ATP7A: variants seen among roughly 807,000 people sequenced by gnomAD.
ATP7A encodes the protein ATPase copper transporting alpha.
Under a neutral mutation model 83.5 loss-of-function variants are expected in ATP7A, and 7 were observed. The observed-to-expected ratio is 0.08, with a 90% CI of 0.05 to 0.16. The LOEUF (loss-of-function observed/expected upper bound fraction) is 0.16, where lower values mean the gene tolerates loss of function less well. ATP7A is among the 10% of genes least tolerant of loss of function. ATP7A has a pLI of 1.00. For synonymous variants in ATP7A, 354 were observed against 395.2 expected (o/e 0.90, Z 1.24); for missense variants, 940 against 1,120.8 (o/e 0.84, Z 2.30).
intron 2 of ATP7A, among the ~76,000 whole-genome samples, chrX:77,986,462 A>G (rs1049778885): frequency 4.5e-5 from 5 of 112,131 alleles, no homozygotes; most frequent in African/African-American, 1.6e-4. Flanking sequence ...TTTGAATATT[A>G]ATATCCTATG....
At chrX:78,029,106 C>T in intron 14 of ATP7A, 144 bp from the exon 15 acceptor site, 1 of 591,210 alleles carries the variant, frequency 1.7e-6, no homozygotes, top group Non-Finnish European at 2.7e-6. Flanking sequence ...GTTTTCTTAC[C>T]TGTAACTAAA....
intron 1 of ATP7A, among the ~76,000 whole-genome samples, chrX:77,953,321 A>G (rs2077424035): frequency 9.0e-6 from 1 of 111,711 alleles, no homozygotes; most frequent in Non-Finnish European, 1.9e-5. Flanking sequence ...TCGGGGGTAC[A>G]TGTGCTTGTT....
At chrX:78,001,392 G>A (rs1254405357) in intron 5 of ATP7A, among the ~76,000 whole-genome samples, 2 of 111,028 alleles carry the variant, frequency 1.8e-5, no homozygotes, top group Admixed American at 1.9e-4. Flanking sequence ...AACATGCAAT[G>A]CATAATAATC....
chrX:77,983,580 A>G (rs1399725169), intron 2 of ATP7A, among the ~76,000 whole-genome samples: 2 of 112,527 alleles, frequency 1.8e-5, no homozygotes, highest in African/African-American at 6.4e-5. Flanking sequence ...TACGTTTGGT[A>G]TATTTTCCTT....
At chrX:77,990,602 G>A (rs2077663769) in intron 4 of ATP7A, among the ~76,000 whole-genome samples, 1 of 111,817 alleles carries the variant, frequency 8.9e-6, no homozygotes, top group South Asian at 3.6e-4. Context: ...TTATATTTAG[G>A]CATTCAAATT....
intron 2 of ATP7A, chrX:77,974,795 C>T (rs2077567819): frequency 3.4e-6 from 1 of 295,242 alleles, no homozygotes; most frequent in African/African-American, 2.8e-5. Flanking sequence ...TTGAGCCAGC[C>T]ATGCATTCCC....
Position 78,047,075 on chromosome X carries a change from C to G in ATP7A, c.*505C>G, listed in dbSNP as rs1204697575. ...AGTTTTAGAAGGGAAACAGTTGAAA[C>G]TGTTTAAAAATAGATGTGCCTTATT... On this transcript the variant is annotated 3_prime_UTR_variant, in exon 23 of 23. Transcript: ENST00000341514. 1 of 114,425 alleles carries G rather than the reference C, an allele frequency of 8.7e-6. No homozygotes were observed. The highest frequency in any genetic ancestry group is 1.8e-5 in the Non-Finnish European group (1 of 54,851). The allele number at this position is 114,425 out of a possible 1,213,427, so 9.4% of individuals were successfully genotyped here.
At chrX:78,044,361 C>T in intron 21 of ATP7A, among the ~76,000 whole-genome samples, 1 of 111,048 alleles carries the variant, frequency 9.0e-6, no homozygotes, top group East Asian at 2.8e-4. Context: ...TGGTATTTTG[C>T]CACATTGCTT....
At chrX:77,917,883 T>C (rs1159460638) in intron 1 of ATP7A, among the ~76,000 whole-genome samples, 3 of 111,847 alleles carry the variant, frequency 2.7e-5, no homozygotes, top group African/African-American at 9.8e-5. Flanking sequence ...TAAACTCAAC[T>C]TGGTCAGAAG....
In ATP7A at chrX:78,045,419, A is replaced by G. The variant is rs376937743; in HGVS notation, c.4124-51A>G. The G allele has an allele frequency of 1.1e-5, 10 of 929,281 alleles. No homozygotes were observed. The African/African-American group carries it at 1.7e-4, about 16-fold the overall frequency. The allele number at this position is 929,281 out of a possible 1,213,427, so 76.6% of individuals were successfully genotyped here. On this transcript the variant is annotated intron_variant, in intron 21 of 22. Transcript: ENST00000341514. ...TTTGTATGTATGTTAGAAACACATT[A>G]ATAATCTGTTTAGTATTATCTACTC... is the stretch of plus-strand genomic sequence containing the variant.
chrX:77,937,804 TA>T (rs1233275489), intron 1 of ATP7A, among the ~76,000 whole-genome samples: 1 of 109,223 alleles, frequency 9.2e-6, no homozygotes, highest in Non-Finnish European at 1.9e-5. Context: ...TTTGGGGGTA[TA>T]GGGAAGTATT....
chrX:78,004,652 G>T, intron 6 of ATP7A, among the ~76,000 whole-genome samples: 1 of 111,051 alleles, frequency 9.0e-6, no homozygotes, highest in East Asian at 2.8e-4. Context: ...GGAGGCCGAG[G>T]TGGGTAGATC....
At position 78,038,913 on chromosome X, in the gene ATP7A, A is replaced by G. The variant is rs148765730; in HGVS notation, c.3589A>G (p.Asn1197Asp). The G allele has an allele frequency of 4.7e-4, 569 of 1,209,488 alleles. No individual in the cohort carries two copies. The African/African-American group carries it at 8.8e-3, about 19-fold the overall frequency. ...WMIRNGLVIN[N>D]DVNDFMTEHE... The stretch of plus-strand genomic sequence containing the variant: ...GATTAGAAATGGTCTTGTCATTAAT[A>G]ACGATGTAAATGATTTCATGACTGA... The change falls in exon 18 of 23, where the codon AAC becomes GAC. Residue 1197 changes from asparagine (N) to aspartate (D), a missense_variant. Physicochemically the swap from Asn to Asp is conservative, Grantham distance 23. Around this residue, in one of 3 missense-constraint regions of ATP7A, gnomAD observed 386 missense variants for 502.2 expected, o/e 0.77. Coordinates refer to ENST00000341514, the MANE Select transcript of ATP7A (RefSeq NM_000052.7).
At chrX:78,013,887 T>A (rs2077843668) in intron 10 of ATP7A, among the ~76,000 whole-genome samples, 1 of 95,162 alleles carries the variant, frequency 1.1e-5, no homozygotes, top group South Asian at 5.2e-4. Context: ...CCCCACAAAT[T>A]CTTTCTAAGT....
rs1457236338 is a variant in ATP7A at position 78,046,430 on chromosome X, C to A, written c.4363C>A (p.Arg1455=). Residue 1455 remains arginine (R), a synonymous_variant, in exon 23 of 23, where the codon CGG becomes AGG. Coordinates refer to ENST00000341514, the MANE Select transcript of ATP7A (RefSeq NM_000052.7). ...RNSPKLGLLD[R]IVNYSRASIN... ...TTCTCCTAAACTGGGTTTGCTGGAC[C>A]GGATTGTTAATTATAGCAGAGCCTC... 8.3e-7 allele frequency: 1 copy of A among 1,211,141 alleles called. No homozygotes were observed. Among genetic ancestry groups the A allele is most frequent in the South Asian group, 1.8e-5 (1 of 56,951 alleles).
rs781837869 is a variant in ATP7A, at chrX:78,009,300, T to C, written c.1869+37T>C. 4.3e-6 allele frequency: 5 copies of C among 1,175,623 alleles called. No homozygotes were observed. The African/African-American group carries it at 8.9e-5, about 21-fold the overall frequency. ...GAATTTATGTTTCTGTGTTCTTACC[T>C]ATTTAATCAGCACTCCCGTGAATCA... On this transcript the variant is annotated intron_variant, in intron 7 of 22. Transcript: ENST00000341514.
At chrX:77,953,507 C>T (rs1557227022) in intron 1 of ATP7A, among the ~76,000 whole-genome samples, 1 of 111,900 alleles carries the variant, frequency 8.9e-6, no homozygotes, top group Non-Finnish European at 1.9e-5. Flanking sequence ...TTGAATTCTA[C>T]TTCCCCCTAC....
At chrX:77,999,907 CAAA>C (rs781857498) in intron 5 of ATP7A, among the ~76,000 whole-genome samples, 2 of 44,632 alleles carry the variant, frequency 4.5e-5, no homozygotes, top group Non-Finnish European at 4.7e-5. Flanking sequence ...GACTCCATCT[CAAA>C]AAAAAAAAAA....
intron 14 of ATP7A, among the ~76,000 whole-genome samples, chrX:78,025,025 G>A (rs868988129): frequency 9.0e-6 from 1 of 111,223 alleles, no homozygotes; most frequent in Middle Eastern, 4.6e-3. Context: ...AAGTCCACAG[G>A]GACCTCTGCA....
Sources: allele counts gnomAD v4.1 joint callset (sites outside exome capture counted in the v4.1 genomes callset), GRCh38; gene constraint gnomAD v4.1.1; regional missense constraint gnomAD v4.1.1; transcripts MANE v1.5; gene names NCBI Gene and HGNC (gene_info 2026-07-23, HGNC 2026-07-21).